Variants in PCDH9 observed in about 807,000 individuals in gnomAD.
PCDH9 encodes protocadherin 9, also known as protocadherin-9.
Under a neutral mutation model 70.6 loss-of-function variants are expected in PCDH9, and 24 were observed. The observed-to-expected ratio is 0.34, with a 90% CI of 0.25 to 0.48. The LOEUF is 0.48. PCDH9 is among the 20% of genes least tolerant of loss of function. The probability of loss-of-function intolerance (pLI) is 0.99; values close to 1 mark genes in which losing one functional copy is unlikely to be tolerated. For synonymous variants in PCDH9, 562 were observed against 558.5 expected, an observed-to-expected ratio of 1.01 and a Z score of -0.09; for missense variants, 1,281 against 1,503.6, an observed-to-expected ratio of 0.85 and a Z score of 2.45.
chr13:67,224,730 CTT>C (rs200944675), intron 2 of PCDH9: 14,700 of 514,480 alleles, frequency 0.029, 19 homozygotes, highest in Middle Eastern at 0.053. Flanking sequence ...AGCAAGCATT[CTT>C]TTTTTTTTTT....
At chr13:66,643,085 C>A (rs2077728893) in intron 3 of PCDH9, among the ~76,000 whole-genome samples, 1 of 151,818 alleles carries the variant, frequency 6.6e-6, no homozygotes, top group Admixed American at 6.6e-5. Flanking sequence ...TTCCAACATA[C>A]AAATTGAAAA....
chr13:66,812,871 G>A (rs1328072769), intron 3 of PCDH9, among the ~76,000 whole-genome samples: 1 of 152,110 alleles, frequency 6.6e-6, no homozygotes, highest in African/African-American at 2.4e-5. Flanking sequence ...TGACATTTAT[G>A]ACTCCGATGG....
chr13:66,525,726 A>G (rs1336523076), intron 4 of PCDH9, among the ~76,000 whole-genome samples: 1 of 152,136 alleles, frequency 6.6e-6, no homozygotes, highest in Non-Finnish European at 1.5e-5. Context: ...TTCCCACAGC[A>G]TACATTCTAG....
chr13:66,340,471 C>T (rs928695363), intron 4 of PCDH9, among the ~76,000 whole-genome samples: 7 of 152,244 alleles, frequency 4.6e-5, no homozygotes, highest in East Asian at 1.9e-4. Context: ...GATTTTTAAT[C>T]GCAAACAAAA....
intron 2 of PCDH9, among the ~76,000 whole-genome samples, chr13:66,984,176 G>A (rs2083839564): frequency 6.6e-6 from 1 of 152,022 alleles, no homozygotes; most frequent in Admixed American, 6.6e-5. Flanking sequence ...TAGGATGGAG[G>A]AAACCTCTTT....
At chr13:67,058,887 G>T (rs931305364) in intron 2 of PCDH9, among the ~76,000 whole-genome samples, 5 of 151,956 alleles carry the variant, frequency 3.3e-5, no homozygotes, top group African/African-American at 7.2e-5. Context: ...CTTGTTTTTA[G>T]GTGTATTTTT....
intron 4 of PCDH9, among the ~76,000 whole-genome samples, chr13:66,442,331 T>C (rs1206990000): frequency 6.6e-6 from 1 of 152,178 alleles, no homozygotes; most frequent in South Asian, 2.1e-4. Context: ...TCACATACTC[T>C]GGTCTTTCAA....
At chr13:66,771,026 T>C (rs566485195) in intron 3 of PCDH9, among the ~76,000 whole-genome samples, 1 of 152,328 alleles carries the variant, frequency 6.6e-6, no homozygotes, top group African/African-American at 2.4e-5. Flanking sequence ...AGTATGGCTA[T>C]TATGTTCCAC....
intron 2 of PCDH9, chr13:67,216,214 TTTAC>T (rs2089596211): frequency 6.6e-6 from 1 of 152,102 alleles, no homozygotes; most frequent in Non-Finnish European, 1.5e-5. Context: ...TCAAGAAGCT[TTTAC>T]TTAATTATTA....
intron 4 of PCDH9, among the ~76,000 whole-genome samples, chr13:66,536,901 A>G (rs1432355410): frequency 6.6e-6 from 1 of 152,150 alleles, no homozygotes; most frequent in East Asian, 1.9e-4. Flanking sequence ...GCAGAATTGC[A>G]TTCAACTCAT....
At chr13:66,443,942 T>C (rs990441705) in intron 4 of PCDH9, among the ~76,000 whole-genome samples, 2 of 152,164 alleles carry the variant, frequency 1.3e-5, no homozygotes, top group Non-Finnish European at 2.9e-5. Flanking sequence ...TTGTACATTC[T>C]TTTTTCCCTA....
chr13:66,450,346 T>C (rs945854753), intron 4 of PCDH9, among the ~76,000 whole-genome samples: 10 of 152,210 alleles, frequency 6.6e-5, no homozygotes, highest in Non-Finnish European at 1.3e-4. Context: ...GAACCTTTCA[T>C]ATGGACATGA....
intron 4 of PCDH9, among the ~76,000 whole-genome samples, chr13:66,361,712 C>T (rs1175676156): frequency 1.3e-5 from 2 of 152,160 alleles, no homozygotes; most frequent in African/African-American, 2.4e-5. Context: ...TTAAGCTACA[C>T]ATTTTAAGGT....
intron 4 of PCDH9, among the ~76,000 whole-genome samples, chr13:66,594,341 C>T (rs887596367): frequency 6.6e-6 from 1 of 151,620 alleles, no homozygotes; most frequent in African/African-American, 2.4e-5. Flanking sequence ...GTGAAAGAAA[C>T]GTGCAACTAC....
intron 4 of PCDH9, among the ~76,000 whole-genome samples, chr13:66,464,328 C>T (rs567971689): frequency 3.3e-4 from 50 of 151,656 alleles, no homozygotes; most frequent in Non-Finnish European, 6.9e-4. Flanking sequence ...AACCAGAAAA[C>T]GGAAGGCTTC....
At chr13:66,500,338 C>T (rs1416288487) in intron 4 of PCDH9, among the ~76,000 whole-genome samples, 7 of 152,116 alleles carry the variant, frequency 4.6e-5, no homozygotes, top group Non-Finnish European at 1.0e-4. Context: ...ATGTATAACA[C>T]AGCATTATTC....
chr13:66,793,552 A>T (rs1178434698), intron 3 of PCDH9, among the ~76,000 whole-genome samples: 2 of 152,274 alleles, frequency 1.3e-5, no homozygotes, highest in African/African-American at 4.8e-5. Context: ...GTCTTTCAAC[A>T]TTTATGACGT....
intron 3 of PCDH9, among the ~76,000 whole-genome samples, chr13:66,887,912 C>T (rs1323534724): frequency 1.3e-5 from 2 of 152,012 alleles, no homozygotes; most frequent in Non-Finnish European, 2.9e-5. Flanking sequence ...GCTTTTAAAT[C>T]AAGGGATGAT....
chr13:66,846,878 T>G (rs2081219549), intron 3 of PCDH9, among the ~76,000 whole-genome samples: 2 of 112,604 alleles, frequency 1.8e-5, no homozygotes, highest in Non-Finnish European at 3.7e-5. Flanking sequence ...TCTCCCTTTC[T>G]CATAATACAC....
Sources: allele counts gnomAD v4.1 joint callset (sites outside exome capture counted in the v4.1 genomes callset), GRCh38; gene constraint gnomAD v4.1.1; transcripts MANE v1.5; gene names NCBI Gene and HGNC (gene_info 2026-07-23, HGNC 2026-07-21).